Variants in SCHIP1 observed in about 807,000 individuals in gnomAD.
SCHIP1 encodes schwannomin-interacting protein 1.
A neutral mutation model predicts 29.7 loss-of-function variants in SCHIP1; 8 were observed. The observed-to-expected ratio is 0.27, with a 90% CI of 0.16 to 0.49. The LOEUF (loss-of-function observed/expected upper bound fraction) is 0.49. Among genes scored for constraint, SCHIP1 ranks in the 20% least tolerant of loss-of-function variants. SCHIP1 has a pLI of 0.99. For missense variants in SCHIP1, 193 were observed against 294.6 expected (o/e 0.66, Z 2.52); for synonymous variants, 76 against 94.9 (o/e 0.80, Z 1.16).
chr3:159,395,391 A>G, the SCHIP1 span, among the ~76,000 whole-genome samples: 2 of 151,946 alleles, frequency 1.3e-5, no homozygotes, highest in Admixed American at 1.3e-4. Flanking sequence ...TTGCTTTTCT[A>G]GTTCTTTTAA....
At chr3:159,814,306 C>T in the SCHIP1 span, among the ~76,000 whole-genome samples, 1 of 152,194 alleles carries the variant, frequency 6.6e-6, no homozygotes, top group Non-Finnish European at 1.5e-5. Flanking sequence ...CAGAATTCAG[C>T]CTCTCCCTCT....
At chr3:159,307,413 G>A in the SCHIP1 span, among the ~76,000 whole-genome samples, 1 of 152,198 alleles carries the variant, frequency 6.6e-6, no homozygotes, top group South Asian at 2.1e-4. Flanking sequence ...GCCTGGGACA[G>A]CATCAGGCAC....
the SCHIP1 span, among the ~76,000 whole-genome samples, chr3:159,689,862 G>T: frequency 6.6e-6 from 1 of 152,120 alleles, no homozygotes; most frequent in African/African-American, 2.4e-5. Context: ...TAATCATGTG[G>T]TTTTTGTCTT....
chr3:159,470,615 G>T, the SCHIP1 span, among the ~76,000 whole-genome samples: 1 of 151,956 alleles, frequency 6.6e-6, no homozygotes, highest in African/African-American at 2.4e-5. Flanking sequence ...AACCATGAAT[G>T]ATTTATTTTC....
the SCHIP1 span, chr3:159,764,568 G>T: frequency 5.6e-6 from 9 of 1,604,320 alleles, no homozygotes; most frequent in Non-Finnish European, 7.7e-6. This position sits in a 1 kb window ranked among gnomAD's most constrained non-coding sequence, Gnocchi z 6.1. Flanking sequence ...CTTCATCGTC[G>T]CCGGGGGGCA....
chr3:159,790,868 GA>G, the SCHIP1 span, among the ~76,000 whole-genome samples: 299 of 152,236 alleles, frequency 2.0e-3, 1 homozygote, highest in African/African-American at 6.9e-3. Context: ...TGAAAAATGG[GA>G]TTTGTTTCTT....
chr3:159,423,119 G>T, the SCHIP1 span, among the ~76,000 whole-genome samples: 1 of 152,234 alleles, frequency 6.6e-6, no homozygotes, highest in African/African-American at 2.4e-5. Context: ...ACAGCTCCCA[G>T]CGTGAGCGAG....
the SCHIP1 span, among the ~76,000 whole-genome samples, chr3:159,376,815 T>G: frequency 6.6e-6 from 1 of 152,126 alleles, no homozygotes; most frequent in Admixed American, 6.5e-5. Context: ...TACTTCTCCA[T>G]CAGTAGCCCC....
the SCHIP1 span, among the ~76,000 whole-genome samples, chr3:159,345,843 G>T: frequency 6.6e-6 from 1 of 152,118 alleles, no homozygotes; most frequent in East Asian, 1.9e-4. Context: ...AGAGAAAGCT[G>T]GCTAAGAACA....
the SCHIP1 span, among the ~76,000 whole-genome samples, chr3:159,338,122 C>T: frequency 6.6e-6 from 1 of 152,072 alleles, no homozygotes; most frequent in Non-Finnish European, 1.5e-5. Flanking sequence ...CGGCAGTGAA[C>T]AAAGCAGACA....
the SCHIP1 span, among the ~76,000 whole-genome samples, chr3:159,828,380 T>TACACAC: frequency 1.2e-4 from 9 of 74,514 alleles, no homozygotes; most frequent in African/African-American, 5.2e-4. Context: ...TATATACATA[T>TACACAC]ATATATACAT....
chr3:159,323,015 C>T, the SCHIP1 span, among the ~76,000 whole-genome samples: 1 of 152,172 alleles, frequency 6.6e-6, no homozygotes, highest in Admixed American at 6.5e-5. Context: ...TACTCTGTTG[C>T]AAGGGCAGCA....
the SCHIP1 span, among the ~76,000 whole-genome samples, chr3:159,346,208 G>GA: frequency 9.1e-6 from 1 of 109,788 alleles, no homozygotes; most frequent in Non-Finnish European, 1.9e-5. Flanking sequence ...AAAGAAAAAA[G>GA]AAAAAAAGAA....
the SCHIP1 span, among the ~76,000 whole-genome samples, chr3:159,732,557 A>C: frequency 6.6e-6 from 1 of 152,194 alleles, no homozygotes; most frequent in African/African-American, 2.4e-5. Context: ...GAAGGAAAAA[A>C]CAAGGTTACA....
At chr3:159,603,988 C>T in the SCHIP1 span, among the ~76,000 whole-genome samples, 23 of 152,064 alleles carry the variant, frequency 1.5e-4, no homozygotes, top group Non-Finnish European at 2.9e-4. Context: ...AGCCATGAAT[C>T]GATGAATGAG....
At chr3:159,883,620 G>A (rs1419076404) in intron 2 of SCHIP1, among the ~76,000 whole-genome samples, 5 of 151,940 alleles carry the variant, frequency 3.3e-5, no homozygotes, top group East Asian at 1.9e-4. Context: ...ACCTGAGCTC[G>A]TTTTAAGATG....
chr3:159,586,628 G>A, the SCHIP1 span, among the ~76,000 whole-genome samples: 2 of 152,082 alleles, frequency 1.3e-5, no homozygotes, highest in African/African-American at 2.4e-5. Flanking sequence ...CTCAGCCTCC[G>A]TGTCACCCAG....
At chr3:159,314,474 A>G in the SCHIP1 span, among the ~76,000 whole-genome samples, 2 of 152,180 alleles carry the variant, frequency 1.3e-5, no homozygotes, top group Non-Finnish European at 2.9e-5. Flanking sequence ...CTTGTAGCCA[A>G]TGAGATATGA....
the SCHIP1 span, among the ~76,000 whole-genome samples, chr3:159,331,959 T>G: frequency 1.3e-5 from 2 of 152,188 alleles, no homozygotes; most frequent in African/African-American, 2.4e-5. Flanking sequence ...GGTCTTTGTG[T>G]AGGCTCCACC....
Sources: gnomAD v4.1 joint callset for allele counts (sites outside exome capture counted in the v4.1 genomes callset) on GRCh38, gnomAD v4.1.1 for gene constraint, Gnocchi (gnomAD v3.1) non-coding constraint, MANE v1.5 for transcripts, NCBI Gene and HGNC (gene_info 2026-07-23, HGNC 2026-07-21) for gene names.